The following WDR7 variants were observed in gnomAD, a reference collection of about 807,000 sequenced individuals.
WDR7 encodes the protein WD repeat domain 7.
Under a neutral mutation model 169.4 loss-of-function variants are expected in WDR7, and 46 were observed. The ratio of observed to expected loss-of-function variants is 0.27; its 90% CI spans 0.21 to 0.35. WDR7 has a LOEUF of 0.35. WDR7 is among the 10% of genes least tolerant of loss of function. The pLI is 1.00. For missense variants in WDR7, 1,534 were observed against 1,859.3 expected (o/e 0.83, Z 3.22); for synonymous variants, 612 against 666.8 (o/e 0.92, Z 1.27).
chr18:57,022,540 T>G (rs1347705229), intron 27 of WDR7, among the ~76,000 whole-genome samples: 1 of 152,224 alleles, frequency 6.6e-6, no homozygotes, highest in African/African-American at 2.4e-5. Context: ...AAACATAATT[T>G]CTTATATAAG....
At chr18:56,735,989 A>G (rs1459769200) in intron 14 of WDR7, among the ~76,000 whole-genome samples, 1 of 152,148 alleles carries the variant, frequency 6.6e-6, no homozygotes, top group Admixed American at 6.5e-5. Context: ...CTTTTGCTTT[A>G]TTTTTATAAA....
At chr18:56,846,678 G>C (rs1446653415) in intron 20 of WDR7, among the ~76,000 whole-genome samples, 1 of 152,108 alleles carries the variant, frequency 6.6e-6, no homozygotes, top group Non-Finnish European at 1.5e-5. Flanking sequence ...GTTCATGTGA[G>C]AGCTGGCTGT....
At chr18:56,710,000 A>T (rs1209014814) in intron 12 of WDR7, among the ~76,000 whole-genome samples, 1 of 136,386 alleles carries the variant, frequency 7.3e-6, no homozygotes, top group African/African-American at 3.0e-5. Flanking sequence ...ATATATATAT[A>T]TAGTTGTTTT....
chr18:56,860,778 T>C (rs2045792594), intron 20 of WDR7, among the ~76,000 whole-genome samples: 1 of 152,176 alleles, frequency 6.6e-6, no homozygotes, highest in Admixed American at 6.5e-5. Context: ...ATCTAAGGAA[T>C]GTTAAATTAA....
At chr18:56,838,680 T>C (rs2045432655) in intron 20 of WDR7, among the ~76,000 whole-genome samples, 2 of 152,288 alleles carry the variant, frequency 1.3e-5, no homozygotes, top group Non-Finnish European at 2.9e-5. Context: ...TTAAGGTCAG[T>C]CATATAGATT....
chr18:56,652,258 C>T (rs968761298), intron 1 of WDR7, among the ~76,000 whole-genome samples: 7 of 152,170 alleles, frequency 4.6e-5, no homozygotes, highest in African/African-American at 1.7e-4. Context: ...GGGAACCTAC[C>T]GTCGCATGAC....
chr18:56,885,221 A>G (rs1231761430), intron 21 of WDR7, among the ~76,000 whole-genome samples: 3 of 152,102 alleles, frequency 2.0e-5, no homozygotes, highest in African/African-American at 7.2e-5. Flanking sequence ...ATGACAAAAC[A>G]AGGTTTTGTA....
intron 19 of WDR7, among the ~76,000 whole-genome samples, chr18:56,806,494 G>A (rs1479461634): frequency 6.6e-6 from 1 of 152,078 alleles, no homozygotes; most frequent in Non-Finnish European, 1.5e-5. Flanking sequence ...CCACATAGAG[G>A]TAAGGATGGG....
chr18:56,830,807 A>G (rs974286134), intron 20 of WDR7, among the ~76,000 whole-genome samples: 6 of 152,192 alleles, frequency 3.9e-5, no homozygotes, highest in South Asian at 2.1e-4. Context: ...CCTGGGTTCC[A>G]GCGATTCTCC....
intron 7 of WDR7, among the ~76,000 whole-genome samples, chr18:56,690,210 T>C (rs1251706836): frequency 3.2e-4 from 48 of 152,330 alleles, no homozygotes; most frequent in Admixed American, 3.1e-3. Context: ...TGATCAAATC[T>C]TTATTTGTGT....
chr18:56,766,337 G>A (rs987151466), intron 16 of WDR7, among the ~76,000 whole-genome samples: 5 of 151,892 alleles, frequency 3.3e-5, no homozygotes, highest in Non-Finnish European at 7.4e-5. Flanking sequence ...TATTCATTCT[G>A]CCCTTTCCTC....
At chr18:56,920,523 T>C (rs2046700908) in intron 21 of WDR7, among the ~76,000 whole-genome samples, 1 of 152,184 alleles carries the variant, frequency 6.6e-6, no homozygotes, top group African/African-American at 2.4e-5. Flanking sequence ...AGTTGATGGG[T>C]TGGCACCAAA....
intron 20 of WDR7, among the ~76,000 whole-genome samples, chr18:56,852,229 C>A (rs930743137): frequency 6.6e-6 from 1 of 152,186 alleles, no homozygotes; most frequent in African/African-American, 2.4e-5. Flanking sequence ...GCTGGACCTT[C>A]TTACTACCTG....
At chr18:56,920,494 G>A (rs2046700556) in intron 21 of WDR7, among the ~76,000 whole-genome samples, 1 of 152,096 alleles carries the variant, frequency 6.6e-6, no homozygotes, top group Non-Finnish European at 1.5e-5. Flanking sequence ...GCAATTCATA[G>A]GTATTACATG....
chr18:56,976,206 T>C (rs2047562719), intron 26 of WDR7, among the ~76,000 whole-genome samples: 1 of 152,080 alleles, frequency 6.6e-6, no homozygotes, highest in Non-Finnish European at 1.5e-5. Context: ...AGCAAGCAGA[T>C]TTTGATCAAC....
chr18:56,682,946 G>C (rs1310707257), intron 5 of WDR7, 93 bp downstream of exon 5: 2 of 1,316,856 alleles, frequency 1.5e-6, no homozygotes, highest in Admixed American at 4.6e-5. Flanking sequence ...TTAATACTTT[G>C]GGATATATTC....
chr18:56,773,338 G>C lies in WDR7; in HGVS notation c.2849-3444G>C, dbSNP rs556628880. Among the ~76,000 whole-genome samples, 6 of 140,150 alleles carry C rather than the reference G, an allele frequency of 4.3e-5. No individual in the cohort carries two copies. In the East Asian group the frequency reaches 1.3e-3, roughly 30 times the overall value. 91.9% of individuals were successfully genotyped at this position (140,150 alleles called of 152,430 possible). A position where few individuals can be genotyped will look rare whatever the true frequency, so the allele number is the denominator to read the frequency against. Reference sequence around the variant, plus strand: ...AGGTTGGAGGCTTCCTTTCTTTAAAGAGAAGTTTTTTTTTTTATCATTCAT... The same window carrying C: ...AGGTTGGAGGCTTCCTTTCTTTAAACAGAAGTTTTTTTTTTTATCATTCAT... On this transcript the variant is annotated intron_variant, in intron 16 of 27. Transcript: ENST00000254442.
At chr18:56,962,333 T>G (rs1364199512) in intron 25 of WDR7, 97 bp from the exon 26 acceptor site, 1 of 761,496 alleles carries the variant, frequency 1.3e-6, no homozygotes, top group African/African-American at 1.7e-5. Context: ...ATATCAGAGC[T>G]GGCTTTAACC....
intron 21 of WDR7, among the ~76,000 whole-genome samples, chr18:56,917,786 A>AT (rs1392656548): frequency 7.9e-5 from 12 of 152,092 alleles, no homozygotes; most frequent in African/African-American, 2.9e-4. Flanking sequence ...CCTTTTTAGC[A>AT]TTTTGCTGTT....
Sources: gnomAD v4.1 joint callset for allele counts (sites outside exome capture counted in the v4.1 genomes callset) on GRCh38, gnomAD v4.1.1 for gene constraint, MANE v1.5 for transcripts, NCBI Gene and HGNC (gene_info 2026-07-23, HGNC 2026-07-21) for gene names.